RGP1: variants seen among roughly 807,000 people sequenced by gnomAD.
The protein encoded by RGP1 is RAB6A-GEF complex partner protein 2.
In RGP1, 28 loss-of-function variants were observed where a neutral mutation model predicts 44.5. The observed-to-expected ratio is 0.63, with a 90% CI of 0.47 to 0.86. RGP1 has a LOEUF of 0.86. RGP1 is among the 40% of genes least tolerant of loss of function. The pLI is 0.00. For missense variants in RGP1, 417 were observed against 490.7 expected, an observed-to-expected ratio of 0.85 and a Z score of 1.42; for synonymous variants, 212 against 196.7, an observed-to-expected ratio of 1.08 and a Z score of -0.65.
chr9:35,770,510 AGAGAGAG>A, the RGP1 span, among the ~76,000 whole-genome samples: 2 of 120,576 alleles, frequency 1.7e-5, no homozygotes, highest in Non-Finnish European at 1.7e-5. Flanking sequence ...AGAGAGAGAG[AGAGAGAG>A]AGAGAGAGAG....
At chr9:35,774,734 C>CA in the RGP1 span, among the ~76,000 whole-genome samples, 1,618 of 149,612 alleles carry the variant, frequency 0.011, 6 homozygotes, top group Non-Finnish European at 0.016. Context: ...AAAAACAAAA[C>CA]AAAAAAAAAC....
chr9:35,781,405 G>A, the RGP1 span, among the ~76,000 whole-genome samples: 18 of 124,056 alleles, frequency 1.5e-4, no homozygotes, highest in African/African-American at 5.0e-4. Flanking sequence ...TGGGGGTGGG[G>A]GGAGGGGGTG....
intron 5 of RGP1, 87 bp from the exon 6 acceptor site, chr9:35,751,179 C>T: frequency 6.5e-7 from 1 of 1,529,452 alleles, no homozygotes; most frequent in Non-Finnish European, 9.0e-7. Context: ...TTACCTTTAG[C>T]CATCTCATGT....
chr9:35,759,567 CAAAAAAAAAA>C (rs57938702), downstream of RGP1, among the ~76,000 whole-genome samples: 10 of 38,304 alleles, frequency 2.6e-4, no homozygotes, highest in African/African-American at 5.0e-4. Context: ...ACCCTGTCTC[CAAAAAAAAAA>C]AAAAAAAAAA....
Position 35,749,899 on chromosome 9 carries a change from G to A in RGP1, c.116+28G>A. On this transcript the variant is annotated intron_variant, in intron 2 of 8. Transcript: ENST00000378078. The surrounding 1 kb of genome is among the most constrained non-coding windows in gnomAD (Gnocchi z 4.4). The stretch of plus-strand genomic sequence containing the variant: ...GGGGATGCTGGCACTGAAGGTGGTG[G>A]CCCTTCTGGGAAGAAGCCAGATTAT... 1 of 1,541,226 alleles carries A rather than the reference G, an allele frequency of 6.5e-7. No individual in the cohort carries two copies. Among genetic ancestry groups the A allele is most frequent in the Non-Finnish European group, 8.9e-7 (1 of 1,117,818 alleles).
downstream of RGP1, among the ~76,000 whole-genome samples, chr9:35,763,066 T>C (rs544431821): frequency 1.3e-3 from 195 of 152,362 alleles, no homozygotes; most frequent in African/African-American, 4.4e-3. Context: ...TGAAAGCTTC[T>C]CTCCATTCTA....
Position 35,755,227 on chromosome 9 carries a change from A to C in RGP1, c.*2353A>C, listed in dbSNP as rs1485715679. Reference sequence around the variant, plus strand: ...AAATTGGGGATAGTAATGCCAACTCATTGGGCTGTTATGAGGATTACTGAG... The same window carrying C: ...AAATTGGGGATAGTAATGCCAACTCCTTGGGCTGTTATGAGGATTACTGAG... On this transcript the variant is annotated 3_prime_UTR_variant, in exon 9 of 9. Coordinates refer to ENST00000378078, the MANE Select transcript of RGP1 (RefSeq NM_001080496.3). The C allele has an allele frequency of 1.3e-5, 2 of 152,186 alleles. No individual in the cohort carries two copies. Among genetic ancestry groups the C allele is most frequent in the Admixed American group, 6.5e-5 (1 of 15,290 alleles). 9.4% of individuals were successfully genotyped at this position (152,186 alleles called of 1,614,324 possible).
At chr9:35,788,950 T>C in the RGP1 span, among the ~76,000 whole-genome samples, 2 of 152,208 alleles carry the variant, frequency 1.3e-5, no homozygotes, top group African/African-American at 4.8e-5. Context: ...ATTTATCTTT[T>C]ATCTCCCCAC....
chr9:35,762,376 A>C (rs73645471), downstream of RGP1, among the ~76,000 whole-genome samples: 843 of 152,272 alleles, frequency 5.5e-3, 11 homozygotes, highest in African/African-American at 0.019. Context: ...GAGGACCCCA[A>C]AGTGGAATGA....
chr9:35,749,948 G>C lies in RGP1; in HGVS notation c.116+77G>C. On this transcript the variant is annotated intron_variant, in intron 2 of 8. Transcript: ENST00000378078. The surrounding 1 kb of genome is among the most constrained non-coding windows in gnomAD (Gnocchi z 4.4). ...ATCTCTGGGGCTGAGGCAGAGCTCAGGTTGTCCTGTAGCGACACCACCTCC... is the reference window on the plus strand; with the variant it reads ...ATCTCTGGGGCTGAGGCAGAGCTCACGTTGTCCTGTAGCGACACCACCTCC... 8.5e-7 allele frequency: 1 copy of C among 1,175,458 alleles called. No individual in the cohort carries two copies. Among genetic ancestry groups the C allele is most frequent in the Non-Finnish European group, 1.2e-6 (1 of 803,030 alleles). 72.8% of individuals were successfully genotyped at this position (1,175,458 alleles called of 1,614,324 possible).
At chr9:35,775,730 G>A in the RGP1 span, among the ~76,000 whole-genome samples, 9 of 152,134 alleles carry the variant, frequency 5.9e-5, no homozygotes, top group Admixed American at 5.2e-4. Context: ...ATGAAGAGAT[G>A]AAAAATTTGA....
chr9:35,789,302 GCCA>G, the RGP1 span, among the ~76,000 whole-genome samples: 1 of 150,078 alleles, frequency 6.7e-6, no homozygotes, highest in African/African-American at 2.5e-5. Flanking sequence ...ACAGGCGTGA[GCCA>G]CTGCACCAGG....
intron 4 of RGP1, 35 bp downstream of exon 4, chr9:35,750,776 A>G: frequency 6.2e-7 from 1 of 1,613,836 alleles, no homozygotes; most frequent in South Asian, 1.1e-5. Flanking sequence ...ATTGCCTTCT[A>G]AGTCTCCTGG....
downstream of RGP1, among the ~76,000 whole-genome samples, chr9:35,761,941 G>A (rs917658467): frequency 3.9e-5 from 6 of 152,070 alleles, no homozygotes; most frequent in African/African-American, 1.4e-4. Context: ...ATCACTTGAG[G>A]TCAGGAGTTT....
Position 35,749,491 on chromosome 9 carries a change from G to A in RGP1, c.-20+83G>A, listed in dbSNP as rs540399428. The A allele has an allele frequency of 2.4e-5, 16 of 656,440 alleles. No homozygotes were observed. The African/African-American group carries it at 2.5e-4, about 10-fold the overall frequency. The allele number at this position is 656,440 out of a possible 1,614,324, so 40.7% of individuals were successfully genotyped here. On this transcript the variant is annotated intron_variant, in intron 1 of 8. Coordinates refer to ENST00000378078, the MANE Select transcript of RGP1 (RefSeq NM_001080496.3). This position sits in a 1 kb window ranked among gnomAD's most constrained non-coding sequence, Gnocchi z 4.4. ...GAGGCCAGTTTGGGAACTCCGCGGGGGTGCCCAGGGAGAAGAACCCGTCGC... is the reference window on the plus strand; with the variant it reads ...GAGGCCAGTTTGGGAACTCCGCGGGAGTGCCCAGGGAGAAGAACCCGTCGC...
chr9:35,771,633 A>G, the RGP1 span, among the ~76,000 whole-genome samples: 66 of 152,286 alleles, frequency 4.3e-4, no homozygotes, highest in African/African-American at 1.5e-3. Flanking sequence ...AAGGGGAGAA[A>G]TCTGATTGGA....
chr9:35,780,825 G>A, the RGP1 span, among the ~76,000 whole-genome samples: 3 of 152,258 alleles, frequency 2.0e-5, no homozygotes, highest in South Asian at 6.2e-4. Context: ...CTCGGGGGAT[G>A]GAGGTTGCAG....
chr9:35,779,159 A>C, the RGP1 span, among the ~76,000 whole-genome samples: 1 of 152,176 alleles, frequency 6.6e-6, no homozygotes, highest in Non-Finnish European at 1.5e-5. Context: ...ATTGGATCAG[A>C]GCTCCTCTCC....
the RGP1 span, among the ~76,000 whole-genome samples, chr9:35,782,149 G>C: frequency 1.3e-5 from 2 of 151,612 alleles, no homozygotes; most frequent in South Asian, 2.1e-4. Context: ...ACTATGCCCG[G>C]CTATTATTTC....
Sources: allele counts gnomAD v4.1 joint callset (sites outside exome capture counted in the v4.1 genomes callset), GRCh38; gene constraint gnomAD v4.1.1; non-coding constraint Gnocchi (gnomAD v3.1); transcripts MANE v1.5; gene names NCBI Gene and HGNC (gene_info 2026-07-23, HGNC 2026-07-21).